RIC3: variants seen among roughly 807,000 people sequenced by gnomAD.
RIC3 encodes the protein RIC3 acetylcholine receptor chaperone, also known as protein RIC-3.
A neutral mutation model predicts 27.3 loss-of-function variants in RIC3; 28 were observed. That is an observed-to-expected ratio of 1.02 (90% CI 0.76 to 1.41). The LOEUF (loss-of-function observed/expected upper bound fraction) is 1.41, where lower values mean the gene tolerates loss of function less well. Among genes scored for constraint, RIC3 ranks in the 40% most tolerant of loss-of-function variants. The pLI, the probability that RIC3 is intolerant of heterozygous loss-of-function variation, is 0.00. For synonymous variants in RIC3, 184 were observed against 160.4 expected (o/e 1.15, Z -1.11); for missense variants, 501 against 444.7 (o/e 1.13, Z -1.14).
rs182954088 is a variant in RIC3 at position 8,154,047 on chromosome 11, A to G, written c.125-13854T>C. Among the ~76,000 whole-genome samples the G allele has an allele frequency of 6.9e-3, 1,057 of 152,354 alleles. 8 individuals carry two copies. Among genetic ancestry groups the G allele is most frequent in the Non-Finnish European group, 9.0e-3 (615 of 68,032 alleles). ...GTTTCTTAAAACTGAATAGCCCAGAATCTATAAAAAGTCAATGATTATAAA... is the reference window on the plus strand; with the variant it reads ...GTTTCTTAAAACTGAATAGCCCAGAGTCTATAAAAAGTCAATGATTATAAA... On this transcript the variant is annotated intron_variant, in intron 1 of 5. Transcript: ENST00000309737.
downstream of RIC3, chr11:8,105,996 C>T (rs546031402): frequency 6.6e-6 from 1 of 152,296 alleles, no homozygotes; most frequent in South Asian, 2.1e-4. Context: ...TTGTCTTTTC[C>T]TATTTTGGAG....
chr11:8,104,935 T>G (rs1944480558), downstream of RIC3: 1 of 151,708 alleles, frequency 6.6e-6, no homozygotes, highest in Non-Finnish European at 1.5e-5. Flanking sequence ...AGGTTGTTTT[T>G]TTTTTTTTTT....
At chr11:8,133,821 T>C (rs761347421) in intron 4 of RIC3, among the ~76,000 whole-genome samples, 10 of 152,124 alleles carry the variant, frequency 6.6e-5, no homozygotes, top group Non-Finnish European at 1.0e-4. Context: ...ATAGATGATG[T>C]ACATGGACTG....
the RIC3 span, chr11:8,095,573 A>G: frequency 6.2e-7 from 1 of 1,613,300 alleles, no homozygotes; most frequent in Admixed American, 1.7e-5. Context: ...ACTGTGGGCC[A>G]GTCAGACCAC....
chr11:8,116,875 ACTATC>A (rs1564974281), intron 5 of RIC3, among the ~76,000 whole-genome samples: 1 of 152,182 alleles, frequency 6.6e-6, no homozygotes, highest in African/African-American at 2.4e-5. Flanking sequence ...TAAAAATAGA[ACTATC>A]ATATGATCCA....
chr11:8,093,204 C>T, the RIC3 span, among the ~76,000 whole-genome samples: 2 of 151,868 alleles, frequency 1.3e-5, no homozygotes, highest in African/African-American at 2.4e-5. Flanking sequence ...AGGTGACATC[C>T]AAGCTGAAAT....
intron 1 of RIC3, among the ~76,000 whole-genome samples, chr11:8,140,990 T>G (rs907529722): frequency 6.7e-6 from 1 of 148,920 alleles, no homozygotes; most frequent in Non-Finnish European, 1.5e-5. Flanking sequence ...CTGAGAGATT[T>G]TGTCACCACC....
chr11:8,117,300 A>C (rs1945957066), intron 5 of RIC3, among the ~76,000 whole-genome samples: 1 of 152,224 alleles, frequency 6.6e-6, no homozygotes, highest in Non-Finnish European at 1.5e-5. Flanking sequence ...CCTAGGCTCA[A>C]GCAATCCACC....
chr11:8,162,487 T>C (rs1051756856), intron 1 of RIC3, among the ~76,000 whole-genome samples: 1 of 152,104 alleles, frequency 6.6e-6, no homozygotes. Context: ...CCTTACACAC[T>C]CAATGATGCC....
rs1001345596 is a variant in RIC3 at position 8,141,098 on chromosome 11, C to T, written c.125-905G>A. The stretch of plus-strand genomic sequence containing the variant: ...AATCATGCCAAAATGTAAAGACCAT[C>T]GAGACTAGGAAGAAACTGCATCAAC... On this transcript the variant is annotated intron_variant, in intron 1 of 5. Coordinates refer to ENST00000309737, the MANE Select transcript of RIC3 (RefSeq NM_001206671.4). Among the ~76,000 whole-genome samples, 4 of 149,180 alleles carry T rather than the reference C, an allele frequency of 2.7e-5. No homozygotes were observed. The South Asian group carries it at 6.8e-4, about 25-fold the overall frequency.
At chr11:8,119,199 A>G (rs1211636438) in intron 5 of RIC3, among the ~76,000 whole-genome samples, 1 of 152,182 alleles carries the variant, frequency 6.6e-6, no homozygotes, top group Admixed American at 6.5e-5. Flanking sequence ...ACTATGAAAA[A>G]TCCACACATT....
At chr11:8,157,674 A>G (rs1950791604) in intron 1 of RIC3, among the ~76,000 whole-genome samples, 1 of 152,168 alleles carries the variant, frequency 6.6e-6, no homozygotes, top group South Asian at 2.1e-4. Context: ...GATGAATTAT[A>G]CTGGGAGTGT....
At chr11:8,168,356 T>G (rs1162547484) in intron 1 of RIC3, among the ~76,000 whole-genome samples, 1 of 152,148 alleles carries the variant, frequency 6.6e-6, no homozygotes, top group African/African-American at 2.4e-5. Flanking sequence ...GATATATTTT[T>G]AAAGGCACAA....
the RIC3 span, among the ~76,000 whole-genome samples, chr11:8,099,836 C>T: frequency 6.6e-6 from 1 of 152,094 alleles, no homozygotes; most frequent in Non-Finnish European, 1.5e-5. Context: ...CTAGGGGACA[C>T]AGTGAGGACA....
chr11:8,101,856 G>GATACCGCGA, downstream of RIC3: 1 of 482,864 alleles, frequency 2.1e-6, no homozygotes, highest in Middle Eastern at 5.8e-4. Flanking sequence ...TTCTTTCCAT[G>GATACCGCGA]CCACGAGATC....
At chr11:8,150,766 T>C (rs1268763756) in intron 1 of RIC3, among the ~76,000 whole-genome samples, 1 of 152,220 alleles carries the variant, frequency 6.6e-6, no homozygotes, top group Non-Finnish European at 1.5e-5. Context: ...ATGGCAATCC[T>C]TGTTTTCAGA....
intron 1 of RIC3, among the ~76,000 whole-genome samples, chr11:8,150,829 A>G (rs968731956): frequency 2.0e-5 from 3 of 152,184 alleles, no homozygotes; most frequent in African/African-American, 7.2e-5. Flanking sequence ...CTGACTGTCC[A>G]CCTGTTTAGA....
chr11:8,136,485 C>T (rs1948437151), intron 4 of RIC3, among the ~76,000 whole-genome samples: 1 of 152,172 alleles, frequency 6.6e-6, no homozygotes, highest in Non-Finnish European at 1.5e-5. Context: ...TCCTTCTTGG[C>T]CTTTCTATAT....
intron 1 of RIC3, among the ~76,000 whole-genome samples, chr11:8,166,152 C>A (rs1951677463): frequency 6.6e-6 from 1 of 152,130 alleles, no homozygotes; most frequent in Non-Finnish European, 1.5e-5. Context: ...TTGTTCCCTG[C>A]GCAGACTTGA....
Sources: allele counts gnomAD v4.1 joint callset (sites outside exome capture counted in the v4.1 genomes callset), GRCh38; gene constraint gnomAD v4.1.1; transcripts MANE v1.5; gene names NCBI Gene and HGNC (gene_info 2026-07-23, HGNC 2026-07-21).